Variants in SEC14L5 observed in about 807,000 individuals in gnomAD.
The protein encoded by SEC14L5 is SEC14 like lipid binding 5.
A neutral mutation model predicts 84.6 loss-of-function variants in SEC14L5; 96 were observed. That is an observed-to-expected ratio of 1.13 (90% CI 0.96 to 1.34). The LOEUF (loss-of-function observed/expected upper bound fraction) is 1.34, where lower values mean the gene tolerates loss of function less well. Ranked by LOEUF, SEC14L5 falls within the 40% of genes most tolerant of loss-of-function variation. The probability of loss-of-function intolerance (pLI) is 0.00; values close to 1 mark genes in which losing one functional copy is unlikely to be tolerated. For synonymous variants in SEC14L5, 546 were observed against 383.4 expected (o/e 1.42, Z -4.95); for missense variants, 1,224 against 942.5 (o/e 1.30, Z -3.91).
intron 6 of SEC14L5, 128 bp downstream of exon 6, chr16:4,992,158 G>T: frequency 1.7e-6 from 1 of 583,852 alleles, no homozygotes; most frequent in South Asian, 2.4e-5. Flanking sequence ...CTGGGTCTTG[G>T]AACGACACCG....
intron 2 of SEC14L5, among the ~76,000 whole-genome samples, chr16:4,961,314 A>G (rs1009234844): frequency 1.3e-5 from 2 of 151,930 alleles, no homozygotes; most frequent in Non-Finnish European, 2.9e-5. Flanking sequence ...AAGTTGCTGA[A>G]CTTTTCTGAG....
At chr16:4,984,364 G>A (rs568260667) in intron 2 of SEC14L5, among the ~76,000 whole-genome samples, 1 of 152,352 alleles carries the variant, frequency 6.6e-6, no homozygotes, top group East Asian at 1.9e-4. Context: ...GCATGAATCA[G>A]TACCTTGTTC....
intron 2 of SEC14L5, among the ~76,000 whole-genome samples, chr16:4,986,562 A>G (rs1440103356): frequency 3.9e-5 from 6 of 152,336 alleles, no homozygotes; most frequent in Admixed American, 3.3e-4. Context: ...AAGCTTGTCA[A>G]TTTCTGTAAA....
rs1365272116 is a variant in SEC14L5, at chr16:5,015,025, G to A, written c.*55G>A. The stretch of plus-strand genomic sequence containing the variant: ...CGCCTCCAGTGTCCAGAAATGTCCA[G>A]AATGAGAAGCCAGCTAACTGCAGGG... On this transcript the variant is annotated 3_prime_UTR_variant, in exon 16 of 16. Coordinates refer to ENST00000251170, the MANE Select transcript of SEC14L5 (RefSeq NM_014692.2). 2 of 1,392,646 alleles carry A rather than the reference G, an allele frequency of 1.4e-6. No individual in the cohort carries two copies. The highest frequency in any genetic ancestry group is 4.6e-5 in the East Asian group (2 of 43,946). The allele number at this position is 1,392,646 out of a possible 1,614,324, so 86.3% of individuals were successfully genotyped here.
Position 5,007,387 on chromosome 16 carries a change from C to G in SEC14L5, c.1473C>G (p.Ser491=). The change falls in exon 13 of 16, where the codon TCC becomes TCG. Residue 491 remains serine, a synonymous_variant. Coordinates refer to ENST00000251170, the MANE Select transcript of SEC14L5 (RefSeq NM_014692.2). ...CCGAAGGAGGGCTGGTCCCCAAGTC[C>G]CTCTACATGACAGAAGAGGAGCAGG... ...NVPEGGLVPK[S]LYMTEEEQEH... is the part of the protein sequence containing the mutation. 1 of 1,613,880 alleles carries G rather than the reference C, an allele frequency of 6.2e-7. No individual in the cohort carries two copies. Among genetic ancestry groups the G allele is most frequent in the Non-Finnish European group, 8.5e-7 (1 of 1,179,826 alleles).
At chr16:4,969,585 C>T (rs532165613) in intron 2 of SEC14L5, among the ~76,000 whole-genome samples, 2 of 152,068 alleles carry the variant, frequency 1.3e-5, no homozygotes, top group African/African-American at 4.8e-5. Flanking sequence ...GGTTTCACCA[C>T]ATTGGTCAGG....
chr16:4,995,738 T>C (rs1436891027), intron 6 of SEC14L5, among the ~76,000 whole-genome samples: 1 of 151,698 alleles, frequency 6.6e-6, no homozygotes, highest in African/African-American at 2.4e-5. Context: ...GCGATTCTCC[T>C]GACTCAGCCT....
At chr16:4,995,783 C>T (rs903595882) in intron 6 of SEC14L5, among the ~76,000 whole-genome samples, 97 of 152,060 alleles carry the variant, frequency 6.4e-4, no homozygotes, top group African/African-American at 2.1e-3. Flanking sequence ...TGTGCCACCA[C>T]GCCTGGCTAA....
At position 4,990,782 on chromosome 16, in the gene SEC14L5, G is replaced by A. The variant is rs1280393457; in HGVS notation, c.361G>A (p.Glu121Lys). The A allele has an allele frequency of 6.2e-7, 1 of 1,609,122 alleles. No homozygotes were observed. The highest frequency in any genetic ancestry group is 1.1e-5 in the South Asian group (1 of 90,472). Residue 121 changes from glutamate to lysine, a missense_variant, in exon 5 of 16, where the codon GAA (glutamate) becomes AAA (lysine). Coordinates refer to ENST00000251170, the MANE Select transcript of SEC14L5 (RefSeq NM_014692.2). ...TGGCTTTCAGGTCCACCCTGAGAAT[G>A]AAGACTGGACTTGCTTCGAGCAGTC... Reference protein sequence around the residue: ...HCSYTVHPENEDWTCFEQSAS... With the variant: ...HCSYTVHPENKDWTCFEQSAS...
chr16:4,965,428 G>A (rs1047656519), intron 2 of SEC14L5, among the ~76,000 whole-genome samples: 1 of 151,962 alleles, frequency 6.6e-6, no homozygotes, highest in Non-Finnish European at 1.5e-5. Flanking sequence ...TTAGGAGGCC[G>A]AGGCGGGCGG....
chr16:5,004,603 G>A (rs1955711285), intron 11 of SEC14L5, among the ~76,000 whole-genome samples: 1 of 152,088 alleles, frequency 6.6e-6, no homozygotes, highest in South Asian at 2.1e-4. Context: ...GGGAGCTACT[G>A]GGGGTCAGCC....
chr16:5,010,371 A>C (rs556974235), intron 14 of SEC14L5, among the ~76,000 whole-genome samples: 6 of 152,132 alleles, frequency 3.9e-5, no homozygotes, highest in African/African-American at 7.2e-5. Flanking sequence ...CTCAGAAAAA[A>C]AAAACAAAAC....
intron 8 of SEC14L5, 57 bp downstream of exon 8, chr16:4,997,101 C>G: frequency 7.8e-7 from 1 of 1,281,832 alleles, no homozygotes; most frequent in Non-Finnish European, 1.1e-6. Flanking sequence ...GCCAAATGCA[C>G]TTTATTTATT....
intron 2 of SEC14L5, among the ~76,000 whole-genome samples, chr16:4,965,704 G>A (rs1027363230): frequency 5.1e-5 from 7 of 137,236 alleles, no homozygotes; most frequent in African/African-American, 1.9e-4. Flanking sequence ...TCTCTATTGT[G>A]AATGGTACCG....
intron 4 of SEC14L5, among the ~76,000 whole-genome samples, chr16:4,988,770 A>G (rs759971217): frequency 6.6e-6 from 1 of 152,240 alleles, no homozygotes; most frequent in Non-Finnish European, 1.5e-5. Context: ...ATTAATAATA[A>G]TCATAATTAT....
intron 3 of SEC14L5, 30 bp from the exon 4 acceptor site, chr16:4,988,119 A>G (rs1263367821): frequency 9.4e-6 from 14 of 1,489,140 alleles, no homozygotes; most frequent in African/African-American, 1.4e-5. Flanking sequence ...CCGCCCACCC[A>G]CCTCCGCCTC....
At position 4,996,449 on chromosome 16, in the gene SEC14L5, C is replaced by A. The variant is rs945220626; in HGVS notation, c.769C>A (p.His257Asn). The change falls in exon 7 of 16, where the codon CAC becomes AAC. Residue 257 changes from histidine to asparagine, a missense_variant. By Grantham distance (68) the His-to-Asn change is moderately conservative (BLOSUM62 1). Coordinates refer to ENST00000251170, the MANE Select transcript of SEC14L5 (RefSeq NM_014692.2). ...IQLRHWLQET[H>N]KGKIPKDEHI... Reference sequence around the variant, plus strand: ...GCTTCGGCACTGGTTACAGGAGACCCACAAAGGCAAGGTGGGTGCAGGGGG... The same window carrying A: ...GCTTCGGCACTGGTTACAGGAGACCAACAAAGGCAAGGTGGGTGCAGGGGG... 5 of 1,564,990 alleles carry A rather than the reference C, an allele frequency of 3.2e-6. No individual in the cohort carries two copies. The African/African-American group carries it at 6.8e-5, about 21-fold the overall frequency.
In SEC14L5 at chr16:5,003,529, C is replaced by T. The variant is rs746114322; in HGVS notation, c.1258C>T (p.Leu420Phe). The T allele has an allele frequency of 2.5e-6, 4 of 1,586,876 alleles. No individual in the cohort carries two copies. In the South Asian group the frequency reaches 3.3e-5, roughly 13 times the overall value. Residue 420 changes from leucine to phenylalanine, a missense_variant, in exon 11 of 16, where the codon CTC becomes TTC. Leu to Phe is a conservative substitution (Grantham distance 22, BLOSUM62 0). Transcript: ENST00000251170. ...DNYPETLGRL[L>F]IVRAPRVFPV... is the part of the protein sequence containing the mutation. ...TTACCCAGAGACCCTGGGTCGGCTG[C>T]TCATCGTGCGAGCCCCCCGAGTCTT...
At chr16:5,011,642 C>A (rs564561847) in intron 15 of SEC14L5, among the ~76,000 whole-genome samples, 89 of 152,288 alleles carry the variant, frequency 5.8e-4, no homozygotes, top group African/African-American at 2.0e-3. Context: ...GCTTTTTAGA[C>A]AACCCTCCCC....
Sources: gnomAD v4.1 joint callset for allele counts (sites outside exome capture counted in the v4.1 genomes callset) on GRCh38, gnomAD v4.1.1 for gene constraint, MANE v1.5 for transcripts, NCBI Gene and HGNC (gene_info 2026-07-23, HGNC 2026-07-21) for gene names.